CEACAM21: variants seen among roughly 807,000 people sequenced by gnomAD.
The protein encoded by CEACAM21 is cell adhesion molecule CEACAM21.
A neutral mutation model predicts 33.2 loss-of-function variants in CEACAM21; 38 were observed. That is an observed-to-expected ratio of 1.14 (90% CI 0.88 to 1.50). The LOEUF (loss-of-function observed/expected upper bound fraction) is 1.50, where lower values mean the gene tolerates loss of function less well. Ranked by LOEUF, CEACAM21 falls within the 40% of genes most tolerant of loss-of-function variation. The pLI is 0.00. For missense variants in CEACAM21, 385 were observed against 364.6 expected (o/e 1.06, Z -0.46); for synonymous variants, 156 against 143.0 (o/e 1.09, Z -0.65).
At chr19:41,561,732 A>G (rs1272326287) in intron 1 of CEACAM21, among the ~76,000 whole-genome samples, 1 of 152,218 alleles carries the variant, frequency 6.6e-6, no homozygotes, top group African/African-American at 2.4e-5. Flanking sequence ...CACAGAGTGA[A>G]AAATCAGGAA....
chr19:41,555,815 A>G (rs2041491705), intron 1 of CEACAM21, among the ~76,000 whole-genome samples: 3 of 152,184 alleles, frequency 2.0e-5, no homozygotes, highest in African/African-American at 7.2e-5. Flanking sequence ...CACCTTTCTC[A>G]TCTAAACTTG....
intron 1 of CEACAM21, 30 bp downstream of exon 1, chr19:41,576,368 G>A (rs1555791041): frequency 6.3e-7 from 1 of 1,596,384 alleles, no homozygotes; most frequent in East Asian, 2.2e-5. Flanking sequence ...GGAGTGGGTG[G>A]GAGGAGGGAG....
chr19:41,574,489 G>A (rs1555790360), upstream of CEACAM21, among the ~76,000 whole-genome samples: 1 of 151,898 alleles, frequency 6.6e-6, no homozygotes, highest in Non-Finnish European at 1.5e-5. Flanking sequence ...TATTACAACT[G>A]AATAATAAAA....
chr19:41,565,194 G>C (rs945350297), intron 2 of CEACAM21: 3 of 152,464 alleles, frequency 2.0e-5, no homozygotes, highest in Non-Finnish European at 4.4e-5. Flanking sequence ...ACCCCGGCGG[G>C]GCCCATCCCC....
intron 1 of CEACAM21, among the ~76,000 whole-genome samples, chr19:41,559,422 G>A (rs1238936143): frequency 6.6e-6 from 1 of 152,196 alleles, no homozygotes; most frequent in Non-Finnish European, 1.5e-5. Context: ...AGTGGTACTT[G>A]TGGGCAAATG....
Position 41,579,459 on chromosome 19 carries a change from G to A in CEACAM21, c.531G>A (p.Trp177Ter). ...ATAACACTGGAACCTCTTTCCAGTGGATTTTCAACAACCAGCGTCTGCAGG... is the reference window on the plus strand; with the variant it reads ...ATAACACTGGAACCTCTTTCCAGTGAATTTTCAACAACCAGCGTCTGCAGG... Reference protein sequence around the residue: ...HTNNTGTSFQWIFNNQRLQVT... With the variant: ...HTNNTGTSFQ The change falls in exon 3 of 7, where the codon TGG becomes TGA. Residue 177 changes from tryptophan to a stop codon, truncating the protein, a stop_gained. Transcript: ENST00000401445. LOFTEE classifies it high-confidence loss of function. The A allele has an allele frequency of 6.2e-7, 1 of 1,613,862 alleles. No homozygotes were observed. The highest frequency in any genetic ancestry group is 8.5e-7 in the Non-Finnish European group (1 of 1,179,864).
intron 1 of CEACAM21, among the ~76,000 whole-genome samples, chr19:41,563,956 C>T (rs997791676): frequency 3.3e-5 from 5 of 152,218 alleles, no homozygotes; most frequent in South Asian, 2.1e-4. Context: ...GGCAGCTTCA[C>T]CCATTGGCCC....
intron 2 of CEACAM21, among the ~76,000 whole-genome samples, chr19:41,566,882 G>C (rs2042297741): frequency 6.6e-6 from 1 of 152,042 alleles, no homozygotes. Flanking sequence ...GTCAGTTTTG[G>C]TAATTTACAT....
intron 1 of CEACAM21, among the ~76,000 whole-genome samples, chr19:41,559,801 C>G (rs1330308186): frequency 6.6e-6 from 1 of 152,070 alleles, no homozygotes; most frequent in East Asian, 1.9e-4. Context: ...CTAAAGGAAA[C>G]CAGAACTGGG....
intron 6 of CEACAM21, chr19:41,586,130 G>GA (rs1368223908): frequency 1.0e-5 from 6 of 602,798 alleles, no homozygotes; most frequent in Admixed American, 5.9e-5. Flanking sequence ...CCTGTCCCCT[G>GA]ACACCCCTCT....
chr19:41,572,576 T>A (rs2122207071), upstream of CEACAM21, among the ~76,000 whole-genome samples: 1 of 152,278 alleles, frequency 6.6e-6, no homozygotes, highest in East Asian at 1.9e-4. Flanking sequence ...CACTCAAATA[T>A]TGAGTGCTTG....
chr19:41,584,510 C>A, intron 4 of CEACAM21, 67 bp downstream of exon 4: 1 of 1,414,198 alleles, frequency 7.1e-7, no homozygotes. Flanking sequence ...GGAAGGAGAC[C>A]CTGTCTTGTA....
exon 2 of CEACAM21, chr19:41,565,000 C>T (rs1435488246): frequency 1.3e-5 from 2 of 152,408 alleles, no homozygotes; most frequent in East Asian, 3.8e-4. Context: ...GAGAGGCCCG[C>T]GCGCCCACTG....
intron 1 of CEACAM21, among the ~76,000 whole-genome samples, chr19:41,557,902 G>T (rs1427931833): frequency 1.3e-5 from 2 of 152,102 alleles, no homozygotes; most frequent in African/African-American, 2.4e-5. Context: ...TATGGAAATG[G>T]GCTCAGGGTG....
intron 1 of CEACAM21, among the ~76,000 whole-genome samples, chr19:41,554,211 C>T (rs1333908158): frequency 6.6e-6 from 1 of 152,024 alleles, no homozygotes; most frequent in Non-Finnish European, 1.5e-5. Context: ...AACATTTTTC[C>T]TCTCTTCTGA....
intron 2 of CEACAM21, among the ~76,000 whole-genome samples, chr19:41,568,585 CAGTT>C (rs782560687): frequency 2.0e-5 from 3 of 152,182 alleles, no homozygotes; most frequent in South Asian, 2.1e-4. Context: ...GGCTGAAAAT[CAGTT>C]AGCTAGAGAT....
intron 1 of CEACAM21, chr19:41,551,684 T>G (rs929050033): frequency 2.0e-5 from 3 of 148,280 alleles, no homozygotes; most frequent in African/African-American, 7.7e-5. Context: ...ACTTTTTTCT[T>G]CAGGAGGGGA....
chr19:41,569,913 G>A (rs1281988899), intron 2 of CEACAM21, among the ~76,000 whole-genome samples: 2 of 152,150 alleles, frequency 1.3e-5, no homozygotes, highest in Admixed American at 6.5e-5. Context: ...CACACCCCCA[G>A]CCTGACTTGC....
chr19:41,552,183 G>A (rs1346994768), intron 1 of CEACAM21: 4 of 152,182 alleles, frequency 2.6e-5, no homozygotes, highest in Non-Finnish European at 5.9e-5. Context: ...TCTAAGTCTT[G>A]GAGACCTTTC....
Sources: gnomAD v4.1 joint callset for allele counts (sites outside exome capture counted in the v4.1 genomes callset) on GRCh38, gnomAD v4.1.1 for gene constraint, MANE v1.5 for transcripts, NCBI Gene and HGNC (gene_info 2026-07-23, HGNC 2026-07-21) for gene names.